PCDH11X: variants seen among roughly 807,000 people sequenced by gnomAD.
The protein encoded by PCDH11X is protocadherin-11 X-linked.
A neutral mutation model predicts 53.3 loss-of-function variants in PCDH11X; 18 were observed. That is an observed-to-expected ratio of 0.34 (90% CI 0.23 to 0.50). The LOEUF (loss-of-function observed/expected upper bound fraction) is 0.50. Among genes scored for constraint, PCDH11X ranks in the 20% least tolerant of loss-of-function variants. PCDH11X has a pLI of 0.98. For synonymous variants in PCDH11X, 279 were observed against 393.3 expected (o/e 0.71, Z 3.44); for missense variants, 570 against 1,032.4 (o/e 0.55, Z 6.14).
At position 92,461,788 on chromosome X, in the gene PCDH11X, G is replaced by T. The variant is rs192930962; in HGVS notation, c.3344-6511G>T. 2.1e-3 allele frequency among the ~76,000 whole-genome samples: 228 copies of T among 110,874 alleles called. 4 individuals are homozygous for T. The East Asian group carries it at 0.055, about 27-fold the overall frequency. On this transcript the variant is annotated intron_variant, in intron 9 of 10. Coordinates refer to ENST00000682573, the MANE Select transcript of PCDH11X (RefSeq NM_032968.5). ...TGATGAGACAACCCACAGAAGGGGG[G>T]GAAATATTTGTAAACTACTCATCTG...
chrX:91,903,391 G>A (rs2524570), intron 6 of PCDH11X, among the ~76,000 whole-genome samples: 21 of 110,988 alleles, frequency 1.9e-4, no homozygotes, highest in Non-Finnish European at 3.8e-4. Flanking sequence ...ATAAATACCC[G>A]TTTTTTAGTA....
At position 92,403,647 on chromosome X, in the gene PCDH11X, C is replaced by CCCAG. The variant is rs751999427; in HGVS notation, c.3343+15714_3343+15715insCCAG. Among the ~76,000 whole-genome samples the CCCAG allele has an allele frequency of 8.0e-3, 880 of 110,681 alleles. 14 individuals are homozygous for CCCAG. Among genetic ancestry groups the CCCAG allele is most frequent in the African/African-American group, 0.028 (851 of 30,518 alleles). On this transcript the variant is annotated intron_variant, in intron 9 of 10. Transcript: ENST00000682573. The stretch of plus-strand genomic sequence containing the variant: ...TTTAGTTTCCCAGAAGGCTTTTAAT[C>CCCAG]AAGGTTATGGGAAAGTCCATAAACT...
chrX:91,924,725 C>A (rs1421951074), intron 6 of PCDH11X, among the ~76,000 whole-genome samples: 3 of 111,214 alleles, frequency 2.7e-5, no homozygotes, highest in Admixed American at 1.9e-4. Flanking sequence ...TCCAATTCTT[C>A]TTATTATAGG....
rs754455367 is a variant in PCDH11X, at chrX:91,954,453, A to T, written c.3033+75180A>T. 5.4e-5 allele frequency among the ~76,000 whole-genome samples: 6 copies of T among 111,425 alleles called. No homozygotes were observed. The South Asian group carries it at 2.3e-3, about 42-fold the overall frequency. ...ATGTATCTTTATAAGAGAATAATTT[A>T]TATCCCTTTGGGTATATATCCAGTA... is the stretch of plus-strand genomic sequence containing the variant. On this transcript the variant is annotated intron_variant, in intron 6 of 10. Transcript: ENST00000682573.
chrX:92,432,894 A>C (rs1258449051), intron 9 of PCDH11X, among the ~76,000 whole-genome samples: 1 of 110,504 alleles, frequency 9.0e-6, no homozygotes, highest in Non-Finnish European at 1.9e-5. Flanking sequence ...TTATGTTTTA[A>C]ATCAATTAAA....
At chrX:92,111,861 A>G (rs1374040509) in intron 6 of PCDH11X, among the ~76,000 whole-genome samples, 1 of 109,675 alleles carries the variant, frequency 9.1e-6, no homozygotes. Context: ...GGTTCACGCC[A>G]TTCTCCTGCC....
intron 6 of PCDH11X, among the ~76,000 whole-genome samples, chrX:92,073,860 T>G (rs2063738311): frequency 8.9e-6 from 1 of 111,907 alleles, no homozygotes; most frequent in Non-Finnish European, 1.9e-5. Context: ...ATTTTGGAAT[T>G]GTAGCAGGTG....
chrX:92,509,605 A>G (rs1326966685), intron 10 of PCDH11X, among the ~76,000 whole-genome samples: 1 of 111,798 alleles, frequency 8.9e-6, no homozygotes, highest in African/African-American at 3.2e-5. Context: ...ATAAGAGCTA[A>G]TATTGTCTCA....
At chrX:92,406,837 G>A (rs2071529312) in intron 9 of PCDH11X, among the ~76,000 whole-genome samples, 1 of 105,743 alleles carries the variant, frequency 9.5e-6, no homozygotes, top group Non-Finnish European at 1.9e-5. Context: ...TGAGGCAAGA[G>A]AATTGCTTGA....
At chrX:91,868,135 G>A (rs936521627) in intron 5 of PCDH11X, among the ~76,000 whole-genome samples, 11 of 112,029 alleles carry the variant, frequency 9.8e-5, no homozygotes, top group African/African-American at 2.9e-4. Context: ...ACCCACTATA[G>A]CATTAATGAC....
chrX:92,465,789 G>A (rs1320528958), intron 9 of PCDH11X, among the ~76,000 whole-genome samples: 1 of 109,277 alleles, frequency 9.2e-6, no homozygotes, highest in Non-Finnish European at 1.9e-5. Context: ...AACTCAAAGA[G>A]GAGATTTTTT....
At chrX:92,551,008 T>C (rs753344994) in intron 10 of PCDH11X, among the ~76,000 whole-genome samples, 37 of 111,459 alleles carry the variant, frequency 3.3e-4, no homozygotes, top group Admixed American at 8.6e-4. Context: ...TTAGGTTGCT[T>C]ACAAATCTTA....
intron 6 of PCDH11X, among the ~76,000 whole-genome samples, chrX:92,020,539 A>C (rs1412199499): frequency 4.5e-5 from 5 of 110,015 alleles, no homozygotes; most frequent in Non-Finnish European, 7.6e-5. Flanking sequence ...CAGAAGTCTG[A>C]TCTCTCTGGG....
intron 10 of PCDH11X, among the ~76,000 whole-genome samples, chrX:92,479,013 T>A (rs1342600142): frequency 9.1e-6 from 1 of 110,170 alleles, no homozygotes; most frequent in Non-Finnish European, 1.9e-5. Flanking sequence ...TGATGATCTC[T>A]AAGAACTTGT....
intron 6 of PCDH11X, among the ~76,000 whole-genome samples, chrX:91,957,608 A>G (rs1190195794): frequency 9.0e-6 from 1 of 111,123 alleles, no homozygotes; most frequent in Non-Finnish European, 1.9e-5. Context: ...GAAGGCCATG[A>G]AACAGCAAAG....
At chrX:92,479,194 TG>T (rs2073451459) in intron 10 of PCDH11X, among the ~76,000 whole-genome samples, 1 of 109,979 alleles carries the variant, frequency 9.1e-6, no homozygotes, top group Non-Finnish European at 1.9e-5. Flanking sequence ...CCTGCTTTTT[TG>T]TTTTCCATTT....
intron 6 of PCDH11X, among the ~76,000 whole-genome samples, chrX:92,067,736 G>T (rs2063635907): frequency 9.0e-6 from 1 of 111,329 alleles, no homozygotes; most frequent in African/African-American, 3.3e-5. Context: ...AGTAGAATTG[G>T]TACTAGCTCT....
intron 10 of PCDH11X, among the ~76,000 whole-genome samples, chrX:92,503,025 A>G (rs1384715239): frequency 9.3e-6 from 1 of 107,677 alleles, no homozygotes; most frequent in Non-Finnish European, 1.9e-5. Context: ...TTAAATTTAC[A>G]AGAAAAAAAA....
At chrX:92,575,978 G>GTA (rs1173562560) in intron 10 of PCDH11X, among the ~76,000 whole-genome samples, 892 of 18,262 alleles carry the variant, frequency 0.049, 44 homozygotes, top group Middle Eastern at 0.053. Flanking sequence ...CACCTGGGGT[G>GTA]TATATATATA....
Sources: allele counts gnomAD v4.1 joint callset (sites outside exome capture counted in the v4.1 genomes callset), GRCh38; gene constraint gnomAD v4.1.1; transcripts MANE v1.5; gene names NCBI Gene and HGNC (gene_info 2026-07-23, HGNC 2026-07-21).